The following SLC24A2 variants were observed in gnomAD, a reference collection of about 807,000 sequenced individuals.
The protein encoded by SLC24A2 is solute carrier family 24 member 2.
Under a neutral mutation model 62.0 loss-of-function variants are expected in SLC24A2, and 36 were observed. That is an observed-to-expected ratio of 0.58 (90% CI 0.44 to 0.77). SLC24A2 has a LOEUF of 0.77. Ranked by LOEUF, SLC24A2 falls within the 30% of genes least tolerant of loss-of-function variation. The pLI is 0.00. For missense variants in SLC24A2, 846 were observed against 817.9 expected (o/e 1.03, Z -0.42); for synonymous variants, 358 against 294.0 (o/e 1.22, Z -2.23).
At chr9:20,145,319 G>A in the SLC24A2 span, among the ~76,000 whole-genome samples, 2 of 151,852 alleles carry the variant, frequency 1.3e-5, no homozygotes, top group African/African-American at 4.8e-5. Flanking sequence ...GTTATAGTGG[G>A]GGATATAACA....
the SLC24A2 span, among the ~76,000 whole-genome samples, chr9:19,851,020 T>G: frequency 1.4e-5 from 1 of 71,194 alleles, no homozygotes; most frequent in Non-Finnish European, 2.8e-5. Flanking sequence ...TATATATATA[T>G]ATACATATTT....
At chr9:19,869,833 T>A in the SLC24A2 span, among the ~76,000 whole-genome samples, 4 of 152,210 alleles carry the variant, frequency 2.6e-5, no homozygotes. Flanking sequence ...TACAAATTTA[T>A]CATATTTAGT....
the SLC24A2 span, among the ~76,000 whole-genome samples, chr9:19,858,051 A>T: frequency 6.6e-6 from 1 of 152,246 alleles, no homozygotes; most frequent in African/African-American, 2.4e-5. Flanking sequence ...AGCCAAGGCA[A>T]TCCTAAGCCA....
chr9:20,235,329 G>A, the SLC24A2 span, among the ~76,000 whole-genome samples: 1 of 152,248 alleles, frequency 6.6e-6, no homozygotes, highest in Non-Finnish European at 1.5e-5. Flanking sequence ...CAGAGGTGGA[G>A]CCTACAGAGG....
chr9:19,556,249 T>C (rs942804784), intron 7 of SLC24A2, among the ~76,000 whole-genome samples: 3 of 152,226 alleles, frequency 2.0e-5, no homozygotes, highest in African/African-American at 7.2e-5. Flanking sequence ...ACTTTTTCCA[T>C]TTGAATTTGG....
chr9:19,813,572 G>A, the SLC24A2 span, among the ~76,000 whole-genome samples: 1 of 151,950 alleles, frequency 6.6e-6, no homozygotes, highest in African/African-American at 2.4e-5. Context: ...ACTCACCTGA[G>A]CCTTCCAAAG....
chr9:20,214,686 A>T, the SLC24A2 span, among the ~76,000 whole-genome samples: 2 of 152,216 alleles, frequency 1.3e-5, no homozygotes, highest in Admixed American at 6.5e-5. Context: ...ATCACAATAA[A>T]ATGATAATAA....
the SLC24A2 span, among the ~76,000 whole-genome samples, chr9:19,843,714 T>C: frequency 6.6e-6 from 1 of 152,136 alleles, no homozygotes; most frequent in Non-Finnish European, 1.5e-5. Flanking sequence ...GTATTTATTG[T>C]TGCCATCTTT....
At chr9:20,298,154 T>C in the SLC24A2 span, among the ~76,000 whole-genome samples, 1 of 152,304 alleles carries the variant, frequency 6.6e-6, no homozygotes, top group East Asian at 1.9e-4. Context: ...AGACTTTACA[T>C]TCCCACAGAT....
At chr9:19,988,445 G>T in the SLC24A2 span, among the ~76,000 whole-genome samples, 18 of 152,140 alleles carry the variant, frequency 1.2e-4, no homozygotes, top group African/African-American at 4.1e-4. Context: ...TGGGTCAGAG[G>T]ATGGGCCACA....
chr9:19,782,268 G>GAATGAT (rs1823040340), intron 2 of SLC24A2, among the ~76,000 whole-genome samples: 1 of 152,140 alleles, frequency 6.6e-6, no homozygotes, highest in African/African-American at 2.4e-5. Flanking sequence ...AAACTTAACT[G>GAATGAT]CTTCACATCC....
At chr9:19,822,304 C>T in the SLC24A2 span, among the ~76,000 whole-genome samples, 7 of 152,168 alleles carry the variant, frequency 4.6e-5, no homozygotes, top group African/African-American at 1.7e-4. Flanking sequence ...CTTGTAGACC[C>T]TTTAACGGCT....
chr9:19,835,856 C>A, the SLC24A2 span, among the ~76,000 whole-genome samples: 2 of 152,132 alleles, frequency 1.3e-5, no homozygotes, highest in African/African-American at 4.8e-5. Flanking sequence ...TGTGAAAGAA[C>A]AGAAATTACA....
intron 2 of SLC24A2, among the ~76,000 whole-genome samples, chr9:19,739,566 AAAT>A (rs1401602602): frequency 6.6e-6 from 1 of 152,220 alleles, no homozygotes; most frequent in Non-Finnish European, 1.5e-5. Context: ...TGCAGTGAGG[AAAT>A]AATAATCTTT....
At chr9:19,561,570 G>T (rs1835405565) in intron 7 of SLC24A2, among the ~76,000 whole-genome samples, 1 of 151,574 alleles carries the variant, frequency 6.6e-6, no homozygotes, top group South Asian at 2.1e-4. Flanking sequence ...GAGTAGCTGG[G>T]ACTACAGGTG....
At chr9:19,709,097 T>C (rs1261297306) in intron 2 of SLC24A2, among the ~76,000 whole-genome samples, 3 of 152,090 alleles carry the variant, frequency 2.0e-5, no homozygotes, top group Non-Finnish European at 4.4e-5. Flanking sequence ...GGGCGAAGGA[T>C]ATGAACAGAC....
At position 19,762,793 on chromosome 9, in the gene SLC24A2, C is replaced by CTTTTTTTTT. The variant is rs58241037; in HGVS notation, c.930+23135_930+23143dup. ...CTTAGGATTGTCTTGGCTATATGTG[C>CTTTTTTTTT]TTTTTTTTTTTTTTTTTTGGTTCCA... On this transcript the variant is annotated intron_variant, in intron 2 of 10. Coordinates refer to ENST00000341998, the MANE Select transcript of SLC24A2 (RefSeq NM_020344.4). Among the ~76,000 whole-genome samples the CTTTTTTTTT allele has an allele frequency of 2.0e-5, 2 of 102,392 alleles. 1 individual carries two copies. The allele number at this position is 102,392 out of a possible 152,430, so 67.2% of individuals were successfully genotyped here.
chr9:19,850,497 A>T, the SLC24A2 span, among the ~76,000 whole-genome samples: 2 of 152,108 alleles, frequency 1.3e-5, no homozygotes, highest in Admixed American at 6.5e-5. Flanking sequence ...CATAAAATTT[A>T]CCCTTTTAAA....
the SLC24A2 span, among the ~76,000 whole-genome samples, chr9:19,994,849 TA>T: frequency 6.6e-6 from 1 of 152,234 alleles, no homozygotes; most frequent in African/African-American, 2.4e-5. Context: ...TGCAGAGACA[TA>T]CTTCACTGAG....
Sources: allele counts gnomAD v4.1 joint callset (sites outside exome capture counted in the v4.1 genomes callset), GRCh38; gene constraint gnomAD v4.1.1; transcripts MANE v1.5; gene names NCBI Gene and HGNC (gene_info 2026-07-23, HGNC 2026-07-21).